Variants in CPXM2 observed in about 807,000 individuals in gnomAD.
CPXM2 encodes the protein carboxypeptidase X, M14 family member 2, also known as inactive carboxypeptidase-like protein X2.
Under a neutral mutation model 86.1 loss-of-function variants are expected in CPXM2, and 66 were observed. The ratio of observed to expected loss-of-function variants is 0.77; its 90% CI spans 0.63 to 0.94. The LOEUF (loss-of-function observed/expected upper bound fraction) is 0.94. Ranked by LOEUF, CPXM2 falls within the 40% of genes least tolerant of loss-of-function variation. The pLI, the probability that CPXM2 is intolerant of heterozygous loss-of-function variation, is 0.00. For missense variants in CPXM2, 948 were observed against 1,026.3 expected (o/e 0.92, Z 1.04); for synonymous variants, 388 against 400.2 (o/e 0.97, Z 0.36).
At chr10:123,804,161 T>C (rs1462606804) in intron 4 of CPXM2, among the ~76,000 whole-genome samples, 2 of 152,222 alleles carry the variant, frequency 1.3e-5, no homozygotes, top group African/African-American at 2.4e-5. Flanking sequence ...TGTTTTATAA[T>C]ACATCCTTAT....
At position 123,799,317 on chromosome 10, in the gene CPXM2, G is replaced by C. The variant is rs1847403467; in HGVS notation, c.654-118C>G. 3 of 1,177,808 alleles carry C rather than the reference G, an allele frequency of 2.5e-6. No homozygotes were observed. In the East Asian group the frequency reaches 7.2e-5, roughly 28 times the overall value. 73.0% of individuals were successfully genotyped at this position (1,177,808 alleles called of 1,614,324 possible). On this transcript the variant is annotated intron_variant, in intron 4 of 13. Transcript: ENST00000241305. ...GGCAGATGGCACTGGGTCAAACCCTGGCTCCAGGACATTTACAGCTCTGTG... is the reference window on the plus strand; with the variant it reads ...GGCAGATGGCACTGGGTCAAACCCTCGCTCCAGGACATTTACAGCTCTGTG...
chr10:123,755,263 C>A (rs1394115985), intron 12 of CPXM2, among the ~76,000 whole-genome samples: 1 of 152,114 alleles, frequency 6.6e-6, no homozygotes, highest in African/African-American at 2.4e-5. Flanking sequence ...GCTTGTCCTG[C>A]AGGGAATGTC....
chr10:123,861,316 C>T (rs1848844390), intron 3 of CPXM2, among the ~76,000 whole-genome samples: 1 of 152,110 alleles, frequency 6.6e-6, no homozygotes, highest in African/African-American at 2.4e-5. Flanking sequence ...AGAAAGAAAA[C>T]TAGAATATGG....
intron 3 of CPXM2, among the ~76,000 whole-genome samples, chr10:123,862,277 GGCTCT>G (rs1267999456): frequency 6.6e-6 from 1 of 152,194 alleles, no homozygotes; most frequent in Non-Finnish European, 1.5e-5. Context: ...CGTGTGCCAC[GGCTCT>G]GCCCCGCCAT....
At chr10:123,942,449 A>G (rs1185005698), upstream of CPXM2, among the ~76,000 whole-genome samples, 4 of 152,232 alleles carry the variant, frequency 2.6e-5, no homozygotes, top group Non-Finnish European at 5.9e-5. Flanking sequence ...CAAGATAGCA[A>G]CAGAAATGAC....
rs370288980 is a variant in CPXM2, at chr10:123,880,741, A to G, written c.305-432T>C. Among the ~76,000 whole-genome samples the G allele has an allele frequency of 3.4e-4, 48 of 142,392 alleles. No homozygotes were observed. In the East Asian group the frequency reaches 9.1e-3, roughly 27 times the overall value. The allele number at this position is 142,392 out of a possible 152,430, so 93.4% of individuals were successfully genotyped here. A position where few individuals can be genotyped will look rare whatever the true frequency, so the allele number is the denominator to read the frequency against. On this transcript the variant is annotated intron_variant, in intron 1 of 13. Coordinates refer to ENST00000241305, the MANE Select transcript of CPXM2 (RefSeq NM_198148.3). Reference sequence around the variant, plus strand: ...CTACTTGGGAGGCTGAGGCAGAAGAATGGCGTGAACCTGGGAGGCAGAGCT... The same window carrying G: ...CTACTTGGGAGGCTGAGGCAGAAGAGTGGCGTGAACCTGGGAGGCAGAGCT...
Position 123,891,649 on chromosome 10 carries a change from G to A in CPXM2, c.11C>T (p.Pro4Leu), listed in dbSNP as rs1427529014. Residue 4 changes from proline to leucine, a missense_variant, in exon 1 of 14, where the codon CCG becomes CTG. Transcript: ENST00000241305. The surrounding 1 kb of genome is among the most constrained non-coding windows in gnomAD (Gnocchi z 5.6). MSRPGTATPALALV... is the reference protein window; with the variant it reads MSRLGTATPALALV... ...GGCCAGCGCTGGGGTAGCGGTCCCCGGGCGGGACATGCCTGCTCCGCCCCG... is the reference window on the plus strand; with the variant it reads ...GGCCAGCGCTGGGGTAGCGGTCCCCAGGCGGGACATGCCTGCTCCGCCCCG... 1 of 1,444,398 alleles carries A rather than the reference G, an allele frequency of 6.9e-7. No homozygotes were observed. The highest frequency in any genetic ancestry group is 9.1e-7 in the Non-Finnish European group (1 of 1,098,766). The allele number at this position is 1,444,398 out of a possible 1,614,324, so 89.5% of individuals were successfully genotyped here.
At chr10:123,798,154 A>G in intron 5 of CPXM2, 28 bp from the exon 6 acceptor site, 6 of 1,562,932 alleles carry the variant, frequency 3.8e-6, no homozygotes, top group East Asian at 2.3e-5. Context: ...AGAAAAGGAA[A>G]ATCTTTTAGT....
In CPXM2 at chr10:123,771,027, C is replaced by T. The variant is rs1451737318; in HGVS notation, c.991G>A (p.Val331Met). ...GTGATATTGGGACACATTTCATTCA[C>T]AACTTTCATCAACTGAAAAACAAGG... is the stretch of plus-strand genomic sequence containing the variant. Reference protein sequence around the residue: ...YKEMRQLMKVVNEMCPNITRI... With the variant: ...YKEMRQLMKVMNEMCPNITRI... Residue 331 changes from valine (V) to methionine (M), a missense_variant, in exon 8 of 14, where the codon GTG (valine) becomes ATG (methionine). Coordinates refer to ENST00000241305, the MANE Select transcript of CPXM2 (RefSeq NM_198148.3). 6.2e-7 allele frequency: 1 copy of T among 1,612,732 alleles called. No individual in the cohort carries two copies. The highest frequency in any genetic ancestry group is 2.2e-5 in the East Asian group (1 of 44,882).
chr10:123,866,694 C>G (rs968317668), intron 2 of CPXM2, among the ~76,000 whole-genome samples: 1 of 152,302 alleles, frequency 6.6e-6, no homozygotes, highest in African/African-American at 2.4e-5. Context: ...TGGAGTAATC[C>G]GCCTGCAATC....
intron 3 of CPXM2, among the ~76,000 whole-genome samples, chr10:123,848,222 G>A (rs1008061547): frequency 1.3e-5 from 2 of 152,170 alleles, no homozygotes; most frequent in African/African-American, 2.4e-5. Context: ...GCCATCATGT[G>A]GTCTGAATGT....
At chr10:123,791,477 A>G (rs986335169) in intron 6 of CPXM2, among the ~76,000 whole-genome samples, 7 of 152,170 alleles carry the variant, frequency 4.6e-5, no homozygotes, top group Non-Finnish European at 8.8e-5. Context: ...TAAAAGCTCT[A>G]GGGGAGGATC....
chr10:123,910,732 A>T (rs1945480970), intron 2 of CPXM2, among the ~76,000 whole-genome samples: 1 of 152,212 alleles, frequency 6.6e-6, no homozygotes, highest in Non-Finnish European at 1.5e-5. Context: ...CTGCAGTAAC[A>T]ATGCACCACA....
chr10:123,799,256 T>C, intron 4 of CPXM2, 57 bp from the exon 5 acceptor site: 2 of 1,603,788 alleles, frequency 1.2e-6, no homozygotes, highest in South Asian at 1.1e-5. Flanking sequence ...TGTTCTTCCA[T>C]GAAGAGGTTT....
chr10:123,781,806 C>T (rs1422644483), intron 6 of CPXM2, among the ~76,000 whole-genome samples: 1 of 152,166 alleles, frequency 6.6e-6, no homozygotes, highest in Non-Finnish European at 1.5e-5. Context: ...AGTTTGAGAA[C>T]ACTCACACAT....
intron 4 of CPXM2, among the ~76,000 whole-genome samples, chr10:123,801,822 C>T (rs748933146): frequency 5.9e-5 from 9 of 152,182 alleles, no homozygotes; most frequent in Non-Finnish European, 1.3e-4. Context: ...CATACTGCTG[C>T]AGCTGTTTGA....
intron 2 of CPXM2, among the ~76,000 whole-genome samples, chr10:123,878,296 CTTTTTTTTTTTTTTTTTTT>C (rs72163200): frequency 1.9e-3 from 228 of 122,836 alleles, no homozygotes; most frequent in African/African-American, 6.8e-3. Context: ...TTTTTTCTCT[CTTTTTTTTTTTTTTTTTTT>C]TTTTTTTTTA....
intron 2 of CPXM2, among the ~76,000 whole-genome samples, chr10:123,923,003 C>T (rs61861953): frequency 0.02 from 2,977 of 152,218 alleles, 37 homozygotes; most frequent in Non-Finnish European, 0.031. Flanking sequence ...TCTCCACCCT[C>T]GCCTAGGAAG....
At position 123,762,027 on chromosome 10, in the gene CPXM2, G is replaced by T. The variant is rs779733716; in HGVS notation, c.1622C>A (p.Pro541His). 1.9e-6 allele frequency: 3 copies of T among 1,613,738 alleles called. No individual in the cohort carries two copies. In the African/African-American group the frequency reaches 4.0e-5, roughly 22 times the overall value. ...GCGGAACACGTGGTCGTCGGGGGTG[G>T]GGGTGTGTTCCTGCGTCTTCCAGGG... ...RSPWKTQEHT[P>H]TPDDHVFRWL... Residue 541 changes from proline to histidine, a missense_variant, in exon 11 of 14, where the codon CCC (proline) becomes CAC (histidine). Physicochemically the swap from Pro to His is moderately conservative, Grantham distance 77. Coordinates refer to ENST00000241305, the MANE Select transcript of CPXM2 (RefSeq NM_198148.3).
Sources: allele counts gnomAD v4.1 joint callset (sites outside exome capture counted in the v4.1 genomes callset), GRCh38; gene constraint gnomAD v4.1.1; non-coding constraint Gnocchi (gnomAD v3.1); transcripts MANE v1.5; gene names NCBI Gene and HGNC (gene_info 2026-07-23, HGNC 2026-07-21).